ADCY2: variants seen among roughly 807,000 people sequenced by gnomAD.
ADCY2 encodes adenylate cyclase 2, also known as adenylate cyclase type 2.
Under a neutral mutation model 125.2 loss-of-function variants are expected in ADCY2, and 31 were observed. The observed-to-expected ratio is 0.25, with a 90% CI of 0.19 to 0.33. The LOEUF is 0.33. Among genes scored for constraint, ADCY2 ranks in the 10% least tolerant of loss-of-function variants. The pLI is 1.00. For missense variants in ADCY2, 904 were observed against 1,418.2 expected (o/e 0.64, Z 5.82); for synonymous variants, 512 against 548.4 (o/e 0.93, Z 0.93).
At chr5:7,506,358 C>T (rs537985113) in intron 2 of ADCY2, among the ~76,000 whole-genome samples, 5 of 152,060 alleles carry the variant, frequency 3.3e-5, no homozygotes, top group South Asian at 4.2e-4. Context: ...AGTTAAAAGC[C>T]GTCATACATA....
At chr5:7,789,252 T>C (rs1442931546) in intron 19 of ADCY2, among the ~76,000 whole-genome samples, 1 of 152,254 alleles carries the variant, frequency 6.6e-6, no homozygotes, top group Non-Finnish European at 1.5e-5. Flanking sequence ...CAGTTTTTAT[T>C]CAAATCATCA....
chr5:7,537,081 G>T (rs1734840911), intron 3 of ADCY2, among the ~76,000 whole-genome samples: 1 of 152,164 alleles, frequency 6.6e-6, no homozygotes, highest in African/African-American at 2.4e-5. Flanking sequence ...CTCACTGACT[G>T]TGTAGAAATT....
At chr5:7,423,975 A>G (rs368131446) in intron 2 of ADCY2, among the ~76,000 whole-genome samples, 17 of 152,286 alleles carry the variant, frequency 1.1e-4, no homozygotes, top group African/African-American at 3.9e-4. Flanking sequence ...TCCGATGTAA[A>G]TTATTTGGAT....
chr5:7,722,023 A>C (rs1388207784), intron 12 of ADCY2, among the ~76,000 whole-genome samples: 2 of 152,158 alleles, frequency 1.3e-5, no homozygotes, highest in Admixed American at 6.6e-5. Context: ...AAGAATATAC[A>C]CTTCTTAATT....
intron 19 of ADCY2, among the ~76,000 whole-genome samples, chr5:7,788,313 G>A (rs964087340): frequency 3.9e-5 from 6 of 152,064 alleles, no homozygotes; most frequent in Non-Finnish European, 7.3e-5. Flanking sequence ...TTGAGTAACT[G>A]GGATTACAGG....
chr5:7,751,148 A>G (rs1742801534), intron 15 of ADCY2, among the ~76,000 whole-genome samples: 1 of 152,136 alleles, frequency 6.6e-6, no homozygotes, highest in Admixed American at 6.5e-5. Flanking sequence ...TAATTTCAAT[A>G]TCTACATTTT....
At chr5:7,743,609 C>T in intron 14 of ADCY2, 59 bp from the exon 15 acceptor site, 1 of 1,502,376 alleles carries the variant, frequency 6.7e-7, no homozygotes, top group Non-Finnish European at 9.2e-7. Flanking sequence ...TTACTGGTAG[C>T]TTTCCAGAAT....
At chr5:7,817,823 C>CAAAAAA (rs57731885) in intron 23 of ADCY2, among the ~76,000 whole-genome samples, 107 of 78,300 alleles carry the variant, frequency 1.4e-3, no homozygotes, top group Non-Finnish European at 2.4e-3. Flanking sequence ...ACGCTGTCAC[C>CAAAAAA]AAAAAAAAAA....
At chr5:7,645,078 T>C (rs1200763451) in intron 4 of ADCY2, among the ~76,000 whole-genome samples, 1 of 152,190 alleles carries the variant, frequency 6.6e-6, no homozygotes, top group Non-Finnish European at 1.5e-5. Context: ...CTGTGTGTCC[T>C]TAGGAAAGTT....
At chr5:7,497,925 C>A (rs532710716) in intron 2 of ADCY2, among the ~76,000 whole-genome samples, 1 of 152,066 alleles carries the variant, frequency 6.6e-6, no homozygotes, top group East Asian at 1.9e-4. Flanking sequence ...CTTAGGGTGT[C>A]CATTGAATAA....
chr5:7,571,193 G>A (rs368952253), intron 3 of ADCY2, among the ~76,000 whole-genome samples: 37 of 152,144 alleles, frequency 2.4e-4, no homozygotes, highest in African/African-American at 6.7e-4. Context: ...AAGAATTGGC[G>A]CAGGCAGTTA....
At chr5:7,628,849 A>T (rs1738217787) in intron 4 of ADCY2, among the ~76,000 whole-genome samples, 1 of 151,974 alleles carries the variant, frequency 6.6e-6, no homozygotes, top group Non-Finnish European at 1.5e-5. Context: ...CATCAGTAAG[A>T]TATAATCTGA....
At position 7,556,341 on chromosome 5, in the gene ADCY2, A is replaced by G. The variant is rs1036545472; in HGVS notation, c.570+35442A>G. ...AAAATAGTTGCAGATCTCTGGTACCATGAGACTTATGTTCTAGAAAATAAA... is the reference window on the plus strand; with the variant it reads ...AAAATAGTTGCAGATCTCTGGTACCGTGAGACTTATGTTCTAGAAAATAAA... On this transcript the variant is annotated intron_variant, in intron 3 of 24. Coordinates refer to ENST00000338316, the MANE Select transcript of ADCY2 (RefSeq NM_020546.3). Among the ~76,000 whole-genome samples the G allele has an allele frequency of 3.3e-5, 5 of 152,328 alleles. No individual in the cohort carries two copies. The East Asian group carries it at 5.8e-4, about 18-fold the overall frequency.
chr5:7,525,823 T>A (rs10044578), intron 3 of ADCY2, among the ~76,000 whole-genome samples: 39,019 of 152,156 alleles, frequency 0.26, 5,768 homozygotes, highest in East Asian at 0.41. Flanking sequence ...TATGATAGAT[T>A]TCCTTTATTG....
chr5:7,657,950 C>T (rs975366449), intron 4 of ADCY2: 5 of 152,256 alleles, frequency 3.3e-5, no homozygotes, highest in African/African-American at 1.2e-4. Flanking sequence ...GGCTGATGGA[C>T]GGGAGGGACC....
At chr5:7,815,920 G>A (rs1177311229) in intron 22 of ADCY2, among the ~76,000 whole-genome samples, 3 of 152,220 alleles carry the variant, frequency 2.0e-5, no homozygotes, top group Admixed American at 6.5e-5. Flanking sequence ...CAAGTCGTCA[G>A]CAAGGTTGGT....
chr5:7,706,237 T>C (rs77947213), intron 7 of ADCY2, among the ~76,000 whole-genome samples: 4,399 of 152,322 alleles, frequency 0.029, 75 homozygotes, highest in Admixed American at 0.042. Context: ...AGGCTTAATG[T>C]CATGATTATT....
chr5:7,609,746 G>A (rs1389614689), intron 3 of ADCY2, among the ~76,000 whole-genome samples: 2 of 152,204 alleles, frequency 1.3e-5, no homozygotes, highest in South Asian at 2.1e-4. Context: ...CTCTACTGAT[G>A]TTGGAGAAGT....
At chr5:7,545,264 G>A (rs953570683) in intron 3 of ADCY2, among the ~76,000 whole-genome samples, 2 of 152,184 alleles carry the variant, frequency 1.3e-5, no homozygotes, top group East Asian at 1.9e-4. Context: ...GTGTCCTCAC[G>A]CATCCCTCTC....
Sources: allele counts gnomAD v4.1 joint callset (sites outside exome capture counted in the v4.1 genomes callset), GRCh38; gene constraint gnomAD v4.1.1; transcripts MANE v1.5; gene names NCBI Gene and HGNC (gene_info 2026-07-23, HGNC 2026-07-21).